CLVS1: variants seen among roughly 807,000 people sequenced by gnomAD.
The protein encoded by CLVS1 is clavesin-1.
CLVS1 carries 10 observed loss-of-function variants against 33.1 expected under a neutral mutation model. The observed-to-expected ratio is 0.30, with a 90% CI of 0.19 to 0.51. CLVS1 has a LOEUF of 0.51. Ranked by LOEUF, CLVS1 falls within the 20% of genes least tolerant of loss-of-function variation. CLVS1 has a pLI of 0.97. For missense variants in CLVS1, 343 were observed against 433.4 expected (o/e 0.79, Z 1.85); for synonymous variants, 163 against 166.1 (o/e 0.98, Z 0.14).
At chr8:61,182,871 A>G (rs1807266920) in intron 2 of CLVS1, among the ~76,000 whole-genome samples, 1 of 140,140 alleles carries the variant, frequency 7.1e-6, no homozygotes, top group South Asian at 2.2e-4. Context: ...AGCACTATTT[A>G]CAATAGCAAT....
At chr8:61,162,139 A>G (rs1438054275) in intron 2 of CLVS1, among the ~76,000 whole-genome samples, 1 of 152,054 alleles carries the variant, frequency 6.6e-6, no homozygotes, top group Non-Finnish European at 1.5e-5. Context: ...ATGGTCTTTA[A>G]GCTCATTCAA....
At chr8:61,019,113 T>C in the CLVS1 span, among the ~76,000 whole-genome samples, 3 of 152,228 alleles carry the variant, frequency 2.0e-5, no homozygotes, top group African/African-American at 7.2e-5. Context: ...AAAACTGTAC[T>C]CTCCTATGCC....
intron 3 of CLVS1, among the ~76,000 whole-genome samples, chr8:61,416,617 A>G (rs1448106125): frequency 2.0e-5 from 3 of 152,184 alleles, no homozygotes; most frequent in Non-Finnish European, 2.9e-5. Flanking sequence ...GAGCCCATCT[A>G]TGCAGGAACA....
At chr8:61,367,271 A>G (rs1813248289) in intron 2 of CLVS1, among the ~76,000 whole-genome samples, 1 of 152,222 alleles carries the variant, frequency 6.6e-6, no homozygotes, top group Admixed American at 6.5e-5. Flanking sequence ...CCCACCAAGC[A>G]GAATGAGATG....
chr8:61,344,979 A>G (rs984437363), intron 2 of CLVS1, among the ~76,000 whole-genome samples: 1 of 152,052 alleles, frequency 6.6e-6, no homozygotes, highest in African/African-American at 2.4e-5. Flanking sequence ...TGTGTGACCT[A>G]CTGTGTTACC....
At chr8:61,230,316 GA>G (rs147860352) in intron 2 of CLVS1, among the ~76,000 whole-genome samples, 2,855 of 152,286 alleles carry the variant, frequency 0.019, 99 homozygotes, top group African/African-American at 0.065. Flanking sequence ...TGATCTCACA[GA>G]CCTTGGACTG....
intron 2 of CLVS1, among the ~76,000 whole-genome samples, chr8:61,261,975 CGTGTGTGTGTGTGTGTGTGT>C (rs57278209): frequency 2.2e-4 from 24 of 111,054 alleles, no homozygotes; most frequent in Non-Finnish European, 2.8e-4. Context: ...CTCATTGCTG[CGTGTGTGTGTGTGTGTGTGT>C]GTGTGTGTGT....
chr8:61,090,675 C>G (rs781104007), intron 1 of CLVS1, among the ~76,000 whole-genome samples: 12 of 152,144 alleles, frequency 7.9e-5, no homozygotes, highest in Non-Finnish European at 1.8e-4. Context: ...TCATTTTCAC[C>G]TGTTTTGAAC....
At chr8:61,174,227 A>G (rs1807067118) in intron 2 of CLVS1, among the ~76,000 whole-genome samples, 2 of 152,192 alleles carry the variant, frequency 1.3e-5, no homozygotes, top group Admixed American at 1.3e-4. Context: ...AGGAAAATAC[A>G]ACCTATAAGG....
At chr8:61,047,958 A>G in the CLVS1 span, among the ~76,000 whole-genome samples, 740 of 152,016 alleles carry the variant, frequency 4.9e-3, 4 homozygotes, top group African/African-American at 0.017. Flanking sequence ...TAAAATAAAA[A>G]AAATTCATCA....
At position 61,237,036 on chromosome 8, in the gene CLVS1, C is replaced by T. The variant is rs149330645; in HGVS notation, c.-151-62641C>T. On this transcript the variant is annotated intron_variant, in intron 2 of 2. Transcript: ENST00000522621. The stretch of plus-strand genomic sequence containing the variant: ...CTTAAATCCTGTCTTCAAGATAAAT[C>T]GATTGATTCTTTATGTGACGTCCCA... Among the ~76,000 whole-genome samples, 635 of 152,272 alleles carry T rather than the reference C, an allele frequency of 4.2e-3. 8 individuals carry two copies. The highest frequency in any genetic ancestry group is 0.015 in the African/African-American group (604 of 41,568).
chr8:61,277,300 G>A (rs1223745352), intron 2 of CLVS1, among the ~76,000 whole-genome samples: 1 of 152,200 alleles, frequency 6.6e-6, no homozygotes, highest in African/African-American at 2.4e-5. Flanking sequence ...CAAGGACCAG[G>A]ATGCAAGGAT....
intron 2 of CLVS1, among the ~76,000 whole-genome samples, chr8:61,259,675 A>G (rs891387094): frequency 2.0e-5 from 3 of 152,254 alleles, no homozygotes; most frequent in Non-Finnish European, 4.4e-5. Flanking sequence ...CACATGCAGC[A>G]GCATCTATGC....
chr8:61,356,174 G>A (rs1190183021), intron 2 of CLVS1, among the ~76,000 whole-genome samples: 2 of 151,886 alleles, frequency 1.3e-5, no homozygotes, highest in Non-Finnish European at 2.9e-5. Context: ...GTGATGATGA[G>A]CATTTTTTCA....
chr8:61,456,912 C>T (rs1325980949), intron 4 of CLVS1, among the ~76,000 whole-genome samples: 7 of 144,038 alleles, frequency 4.9e-5, no homozygotes, highest in African/African-American at 1.3e-4. Flanking sequence ...AGCAAGACTC[C>T]GTCTCAAAAA....
intron 1 of CLVS1, among the ~76,000 whole-genome samples, chr8:61,127,732 T>C (rs1263992835): frequency 6.6e-6 from 1 of 152,268 alleles, no homozygotes; most frequent in East Asian, 1.9e-4. Context: ...TCATCACATA[T>C]TCCAGTTGGA....
intron 1 of CLVS1, among the ~76,000 whole-genome samples, chr8:61,073,952 C>T (rs1170650718): frequency 7.1e-6 from 1 of 139,914 alleles, no homozygotes; most frequent in African/African-American, 2.8e-5. Context: ...GCGGAGCCTG[C>T]AGTGAGCCAA....
At chr8:61,194,701 GTATT>G (rs1481775902) in intron 2 of CLVS1, among the ~76,000 whole-genome samples, 1 of 151,548 alleles carries the variant, frequency 6.6e-6, no homozygotes, top group Non-Finnish European at 1.5e-5. Context: ...CAATATATAT[GTATT>G]TATGTATATA....
chr8:61,090,002 C>T (rs1173808029), intron 1 of CLVS1, among the ~76,000 whole-genome samples: 1 of 152,190 alleles, frequency 6.6e-6, no homozygotes, highest in East Asian at 1.9e-4. Context: ...AATTTGGTTG[C>T]CTATGAAGAA....
Sources: allele counts gnomAD v4.1 joint callset (sites outside exome capture counted in the v4.1 genomes callset), GRCh38; gene constraint gnomAD v4.1.1; transcripts MANE v1.5; gene names NCBI Gene and HGNC (gene_info 2026-07-23, HGNC 2026-07-21).